ATP11B: variants seen among roughly 807,000 people sequenced by gnomAD.
ATP11B encodes phospholipid-transporting ATPase IF.
In ATP11B, 81 loss-of-function variants were observed where a neutral mutation model predicts 157.8. The observed-to-expected ratio is 0.51, with a 90% CI of 0.43 to 0.62. ATP11B has a LOEUF of 0.62. ATP11B is among the 20% of genes least tolerant of loss of function. The probability of loss-of-function intolerance (pLI) is 0.00; values close to 1 mark genes in which losing one functional copy is unlikely to be tolerated. For missense variants in ATP11B, 1,165 were observed against 1,402.2 expected, an observed-to-expected ratio of 0.83 and a Z score of 2.70; for synonymous variants, 451 against 469.4, an observed-to-expected ratio of 0.96 and a Z score of 0.51.
At chr3:182,802,710 T>G (rs776968499) in intron 1 of ATP11B, among the ~76,000 whole-genome samples, 2 of 152,120 alleles carry the variant, frequency 1.3e-5, no homozygotes, top group Non-Finnish European at 2.9e-5. Flanking sequence ...CCTGTTGCCT[T>G]TCCTTGCTTG....
At chr3:182,839,733 C>T (rs1157080540) in intron 7 of ATP11B, among the ~76,000 whole-genome samples, 1 of 151,938 alleles carries the variant, frequency 6.6e-6, no homozygotes, top group African/African-American at 2.4e-5. Context: ...GCCTTAGCCT[C>T]CCAAGTAGAT....
chr3:182,918,571 TTCATGGGAAAAGTTAATGTGAATAC>T lies in ATP11B; in HGVS notation c.*469_*493del. The T allele has an allele frequency of 2.6e-6, 1 of 388,642 alleles. No homozygotes were observed. Among genetic ancestry groups the T allele is most frequent in the Non-Finnish European group, 4.5e-6 (1 of 219,946 alleles). 24.1% of individuals were successfully genotyped at this position (388,642 alleles called of 1,614,324 possible). A position where few individuals can be genotyped will look rare whatever the true frequency, so the allele number is the denominator to read the frequency against. The stretch of plus-strand genomic sequence containing the variant: ...TTTATTAGAGTTATATTTAAAGCTT[TTCATGGGAAAAGTTAATGTGAATAC>T]TGAGGAATTTTGGTCCCTCAGTGAC... On this transcript the variant is annotated 3_prime_UTR_variant, in exon 30 of 30. Transcript: ENST00000323116.
chr3:182,859,338 T>A lies in ATP11B; in HGVS notation c.1179T>A (p.Asp393Glu). ...SDQKAQVNTS[D>E]LNEELGQVEY... ...AGAAAGCTCAAGTCAATACTTCCGA[T>A]CTGAATGAAGAGCTTGGACAGGTGA... Residue 393 changes from aspartate to glutamate, a missense_variant, in exon 12 of 30, where the codon GAT becomes GAA. This residue lies in a region of ATP11B where 737 missense variants were observed against 930.5 expected (regional missense o/e 0.79). Coordinates refer to ENST00000323116, the MANE Select transcript of ATP11B (RefSeq NM_014616.3). 1 of 1,604,112 alleles carries A rather than the reference T, an allele frequency of 6.2e-7. No homozygotes were observed. The highest frequency in any genetic ancestry group is 8.5e-7 in the Non-Finnish European group (1 of 1,174,564).
At chr3:182,823,274 C>T (rs922827316) in intron 2 of ATP11B, among the ~76,000 whole-genome samples, 18 of 152,192 alleles carry the variant, frequency 1.2e-4, no homozygotes, top group Non-Finnish European at 2.5e-4. Flanking sequence ...TTTAATCCAT[C>T]TTGAATTAAT....
chr3:182,815,715 A>G (rs1576961810), intron 1 of ATP11B, among the ~76,000 whole-genome samples: 1 of 152,326 alleles, frequency 6.6e-6, no homozygotes, highest in East Asian at 1.9e-4. Flanking sequence ...TAGGAATGCT[A>G]GAAGGCGCTG....
intron 1 of ATP11B, among the ~76,000 whole-genome samples, chr3:182,819,964 G>A (rs987992401): frequency 6.6e-6 from 1 of 151,726 alleles, no homozygotes; most frequent in Non-Finnish European, 1.5e-5. Flanking sequence ...AGAATGAACT[G>A]TTTTTCATTA....
intron 28 of ATP11B, among the ~76,000 whole-genome samples, chr3:182,905,614 C>T (rs996018985): frequency 1.3e-5 from 2 of 152,164 alleles, no homozygotes; most frequent in African/African-American, 4.8e-5. Context: ...ATTTTGTGTG[C>T]TTGTGTTCCC....
intron 10 of ATP11B, among the ~76,000 whole-genome samples, chr3:182,852,866 A>T (rs1350258940): frequency 6.6e-6 from 1 of 152,246 alleles, no homozygotes; most frequent in Non-Finnish European, 1.5e-5. Flanking sequence ...TGTAAGACTT[A>T]AACACTTAAA....
intron 27 of ATP11B, among the ~76,000 whole-genome samples, chr3:182,897,818 A>G (rs1027469013): frequency 4.6e-5 from 7 of 152,088 alleles, no homozygotes; most frequent in African/African-American, 1.4e-4. Flanking sequence ...TTAAATATTA[A>G]TCATTAACTT....
chr3:182,889,744 G>T (rs9869222), intron 25 of ATP11B, among the ~76,000 whole-genome samples, 196 bp downstream of exon 25: 26 of 152,056 alleles, frequency 1.7e-4, no homozygotes, highest in African/African-American at 5.3e-4. Flanking sequence ...GTGTAATCTC[G>T]AAATGAAACT....
chr3:182,890,427 T>C (rs1723098710), intron 25 of ATP11B, among the ~76,000 whole-genome samples: 1 of 151,260 alleles, frequency 6.6e-6, no homozygotes, highest in African/African-American at 2.5e-5. Flanking sequence ...TATTCCCAAG[T>C]ACTATACTAG....
intron 28 of ATP11B, among the ~76,000 whole-genome samples, chr3:182,906,830 T>C (rs149099455): frequency 0.035 from 5,226 of 150,352 alleles, 306 homozygotes; most frequent in African/African-American, 0.12. Flanking sequence ...GGCTCACGCC[T>C]GTAATCCCAG....
intron 9 of ATP11B, among the ~76,000 whole-genome samples, chr3:182,847,094 A>G (rs1719592715): frequency 7.2e-6 from 1 of 139,330 alleles, no homozygotes; most frequent in African/African-American, 2.7e-5. Flanking sequence ...TCTGTTGCCC[A>G]GGCTGGAGTA....
intron 10 of ATP11B, among the ~76,000 whole-genome samples, chr3:182,851,240 G>A (rs9880560): frequency 0.035 from 5,304 of 152,228 alleles, 316 homozygotes; most frequent in African/African-American, 0.12. Context: ...TCAGTGAGCC[G>A]AGATCGCACC....
chr3:182,836,318 A>G (rs748912285), intron 5 of ATP11B, 24 bp from the exon 6 acceptor site: 97 of 1,612,284 alleles, frequency 6.0e-5, no homozygotes, highest in Admixed American at 2.2e-4. Flanking sequence ...TTATAAATTC[A>G]CTCTTCCCCA....
At chr3:182,812,381 A>G (rs9823226) in intron 1 of ATP11B, among the ~76,000 whole-genome samples, 5,732 of 152,254 alleles carry the variant, frequency 0.038, 370 homozygotes, top group African/African-American at 0.13. Flanking sequence ...TTTATCTCCA[A>G]TCTGGATACT....
intron 29 of ATP11B, chr3:182,917,596 A>T: frequency 2.0e-6 from 2 of 985,366 alleles, no homozygotes; most frequent in Non-Finnish European, 2.4e-6. Flanking sequence ...AAATGAAATG[A>T]TCAATAATAG....
At chr3:182,832,396 CAG>C (rs1286697342) in intron 4 of ATP11B, among the ~76,000 whole-genome samples, 1 of 152,164 alleles carries the variant, frequency 6.6e-6, no homozygotes, top group Non-Finnish European at 1.5e-5. Flanking sequence ...TTTTGACACT[CAG>C]AGTTTTCTCT....
At chr3:182,844,963 C>T (rs746550717) in intron 8 of ATP11B, among the ~76,000 whole-genome samples, 1 of 141,112 alleles carries the variant, frequency 7.1e-6, no homozygotes, top group Non-Finnish European at 1.5e-5. Context: ...TAACTAACAT[C>T]ATGATTAGCC....
Sources: gnomAD v4.1 joint callset for allele counts (sites outside exome capture counted in the v4.1 genomes callset) on GRCh38, gnomAD v4.1.1 for gene constraint, gnomAD v4.1.1 regional missense constraint, MANE v1.5 for transcripts, NCBI Gene and HGNC (gene_info 2026-07-23, HGNC 2026-07-21) for gene names.